The following PTPN2 variants were observed in gnomAD, a reference collection of about 807,000 sequenced individuals.
The protein encoded by PTPN2 is protein tyrosine phosphatase non-receptor type 2.
A neutral mutation model predicts 57.3 loss-of-function variants in PTPN2; 19 were observed. The ratio of observed to expected loss-of-function variants is 0.33; its 90% CI spans 0.23 to 0.49. The LOEUF (loss-of-function observed/expected upper bound fraction) is 0.49. Among genes scored for constraint, PTPN2 ranks in the 20% least tolerant of loss-of-function variants. The pLI is 0.99. For synonymous variants in PTPN2, 153 were observed against 164.9 expected (o/e 0.93, Z 0.55); for missense variants, 358 against 501.1 (o/e 0.71, Z 2.73).
Position 12,808,756 on chromosome 18 carries a change from G to A in PTPN2, c.858+5447C>T, listed in dbSNP as rs1048231147. 1.3e-4 allele frequency among the ~76,000 whole-genome samples: 20 copies of A among 152,344 alleles called. No individual in the cohort carries two copies. In the East Asian group the frequency reaches 2.1e-3, roughly 16 times the overall value. On this transcript the variant is annotated intron_variant, in intron 7 of 8. Coordinates refer to ENST00000309660, the MANE Select transcript of PTPN2 (RefSeq NM_002828.4). Reference sequence around the variant, plus strand: ...AGATCACACCACTGCACTCCTGGGCGACAGAGCGAGACTCCGTCTCAAAAG... The same window carrying A: ...AGATCACACCACTGCACTCCTGGGCAACAGAGCGAGACTCCGTCTCAAAAG...
downstream of PTPN2, among the ~76,000 whole-genome samples, chr18:12,789,762 C>T (rs2040932536): frequency 6.6e-6 from 1 of 152,192 alleles, no homozygotes. Context: ...TGCCTAATGA[C>T]ATTTGGCTTA....
chr18:12,836,814 G>T lies in PTPN2; in HGVS notation c.238C>A (p.Gln80Lys). 6.2e-7 allele frequency: 1 copy of T among 1,607,330 alleles called. No individual in the cohort carries two copies. Among genetic ancestry groups the T allele is most frequent in the Non-Finnish European group, 8.5e-7 (1 of 1,175,974 alleles). The change falls in exon 3 of 9, where the codon CAA (glutamine) becomes AAA (lysine). Residue 80 changes from glutamine to lysine, a missense_variant. Gln to Lys is a moderately conservative substitution (Grantham distance 53, BLOSUM62 1). Around this residue, in one of 4 missense-constraint regions of PTPN2, gnomAD observed 193 missense variants for 315.4 expected, o/e 0.61. Transcript: ENST00000309660. ...NASLVDIEEAQRSYILTQGPL... is the reference protein window; with the variant it reads ...NASLVDIEEAKRSYILTQGPL... ...GCCTGTGTTAAGATGTAACTCCTTT[G>T]TGCCTCTTCTATGTCAACTAAACTG... is the stretch of plus-strand genomic sequence containing the variant.
rs187482014 is a variant in PTPN2 at position 12,840,959 on chromosome 18, A to C, written c.161-4068T>G. ...ATGAACTGGTCTGTTCCCTGCATTGAATACTTTCAGCAATCATACACAATT... is the reference window on the plus strand; with the variant it reads ...ATGAACTGGTCTGTTCCCTGCATTGCATACTTTCAGCAATCATACACAATT... On this transcript the variant is annotated intron_variant, in intron 2 of 8. Coordinates refer to ENST00000309660, the MANE Select transcript of PTPN2 (RefSeq NM_002828.4). The C allele has an allele frequency of 1.1e-3, 1,555 of 1,463,848 alleles. 37 individuals carry two copies. In the Admixed American group the frequency reaches 0.035, roughly 33 times the overall value. 90.7% of individuals were successfully genotyped at this position (1,463,848 alleles called of 1,614,324 possible).
At chr18:12,865,295 C>T (rs990859704) in intron 1 of PTPN2, among the ~76,000 whole-genome samples, 4 of 151,874 alleles carry the variant, frequency 2.6e-5, no homozygotes, top group East Asian at 1.9e-4. Flanking sequence ...ATTAGCAAGG[C>T]ATGGTGGTAC....
In PTPN2 at chr18:12,817,108, A is replaced by T. The variant is rs374317288; in HGVS notation, c.705+48T>A. On this transcript the variant is annotated intron_variant, in intron 6 of 8. Transcript: ENST00000309660. Reference sequence around the variant, plus strand: ...TATTCACTGCCAGTGGAAGCAATTTAAAAAAAAAAATCAATGAGATTAAAA... The same window carrying T: ...TATTCACTGCCAGTGGAAGCAATTTTAAAAAAAAAATCAATGAGATTAAAA... 4.3e-3 allele frequency: 4,292 copies of T among 996,822 alleles called. 28 individuals carry two copies. Among genetic ancestry groups the T allele is most frequent in the South Asian group, 0.02 (1,103 of 53,812 alleles). The allele number at this position is 996,822 out of a possible 1,614,324, so 61.7% of individuals were successfully genotyped here. A position where few individuals can be genotyped will look rare whatever the true frequency, so the allele number is the denominator to read the frequency against.
intron 1 of PTPN2, among the ~76,000 whole-genome samples, chr18:12,883,246 G>A (rs1257105381): frequency 6.6e-6 from 1 of 152,328 alleles, no homozygotes; most frequent in Non-Finnish European, 1.5e-5. Flanking sequence ...TCACTGTAGG[G>A]AAAGTATACC....
Position 12,807,586 on chromosome 18 carries a change from A to AAAAATAT in PTPN2, c.859-5436_859-5435insATATTTT. 7.9e-3 allele frequency among the ~76,000 whole-genome samples: 276 copies of AAAAATAT among 35,110 alleles called. 3 individuals carry two copies. Among genetic ancestry groups the AAAAATAT allele is most frequent in the South Asian group, 0.01 (4 of 394 alleles). 23.0% of individuals were successfully genotyped at this position (35,110 alleles called of 152,430 possible). A position where few individuals can be genotyped will look rare whatever the true frequency, so the allele number is the denominator to read the frequency against. Reference sequence around the variant, plus strand: ...AAATGTGGAAAAAAAAAAAAAAAAAAATATATATATATATATATAATATAA... The same window carrying AAAAATAT: ...AAATGTGGAAAAAAAAAAAAAAAAAAAAAATATATATATATATATATATATAATATAA... On this transcript the variant is annotated intron_variant, in intron 7 of 8. Transcript: ENST00000309660.
rs1269177701 is a variant in PTPN2 at position 12,836,776 on chromosome 18, T to C, written c.261+15A>G. The C allele has an allele frequency of 6.8e-7, 1 of 1,474,964 alleles. No individual in the cohort carries two copies. The highest frequency in any genetic ancestry group is 9.5e-7 in the Non-Finnish European group (1 of 1,057,396). 91.4% of individuals were successfully genotyped at this position (1,474,964 alleles called of 1,614,324 possible). ...ACATCATTTTCAGACATTTGCGTGG[T>C]ATCGTATTACTTGCCTGTGTTAAGA... On this transcript the variant is annotated intron_variant, in intron 3 of 8. Transcript: ENST00000309660.
intron 1 of PTPN2, chr18:12,880,432 C>CA: frequency 1.3e-5 from 2 of 152,374 alleles, no homozygotes; most frequent in East Asian, 3.9e-4. Flanking sequence ...TACCTCTCCC[C>CA]ACTTCTTCAA....
intron 1 of PTPN2, among the ~76,000 whole-genome samples, chr18:12,870,117 T>A (rs976072725): frequency 1.3e-5 from 2 of 150,812 alleles, no homozygotes; most frequent in African/African-American, 4.9e-5. Flanking sequence ...CACTGAACCC[T>A]ACTGTGTGTC....
intron 7 of PTPN2, among the ~76,000 whole-genome samples, chr18:12,809,003 T>G (rs955993334): frequency 6.6e-6 from 1 of 152,168 alleles, no homozygotes; most frequent in African/African-American, 2.4e-5. Flanking sequence ...AGGGGAGAAC[T>G]AACGGTGAGA....
intron 3 of PTPN2, among the ~76,000 whole-genome samples, chr18:12,834,733 A>AG (rs1156522614): frequency 6.6e-6 from 1 of 152,040 alleles, no homozygotes; most frequent in Non-Finnish European, 1.5e-5. Context: ...GAAAAAAAAA[A>AG]GCTAATTTAG....
intron 3 of PTPN2, among the ~76,000 whole-genome samples, chr18:12,834,995 A>G (rs1230423804): frequency 2.0e-5 from 3 of 152,096 alleles, no homozygotes; most frequent in African/African-American, 7.3e-5. Context: ...GCCCTGTAGA[A>G]CCTGCAGATA....
At chr18:12,883,514 G>C (rs1041606408) in intron 1 of PTPN2, 2 of 152,092 alleles carry the variant, frequency 1.3e-5, no homozygotes, top group African/African-American at 2.4e-5. Flanking sequence ...CGCCCAGAGC[G>C]GCCTGCTCCC....
intron 3 of PTPN2, among the ~76,000 whole-genome samples, chr18:12,835,730 G>T (rs944688131): frequency 2.0e-5 from 3 of 151,982 alleles, no homozygotes; most frequent in Non-Finnish European, 2.9e-5. Flanking sequence ...TTTCTTGGTC[G>T]GTCAGAGTAT....
intron 5 of PTPN2, among the ~76,000 whole-genome samples, chr18:12,818,682 G>A (rs1159821875): frequency 1.3e-5 from 2 of 151,160 alleles, no homozygotes; most frequent in African/African-American, 2.4e-5. Context: ...GAGGGAGGAG[G>A]CATAGAAACA....
At position 12,870,351 on chromosome 18, in the gene PTPN2, GTGTATATATATGTGTATATATACA is replaced by G. The variant is rs2044174159; in HGVS notation, c.70-11121_70-11098del. ...TATATGTATATATATACATATATAT[GTGTATATATATGTGTATATATACA>G]TATATATACGTATATATGTATATAT... On this transcript the variant is annotated intron_variant, in intron 1 of 8. Transcript: ENST00000309660. Among the ~76,000 whole-genome samples the G allele has an allele frequency of 1.0e-4, 3 of 28,694 alleles. No individual in the cohort carries two copies. In the South Asian group the frequency reaches 4.8e-3, roughly 46 times the overall value. 18.8% of individuals were successfully genotyped at this position (28,694 alleles called of 152,430 possible). A position where few individuals can be genotyped will look rare whatever the true frequency, so the allele number is the denominator to read the frequency against.
chr18:12,816,027 A>G (rs2042063547), intron 6 of PTPN2, among the ~76,000 whole-genome samples: 1 of 152,172 alleles, frequency 6.6e-6, no homozygotes, highest in African/African-American at 2.4e-5. Flanking sequence ...TCTTGTGTCA[A>G]GCGTGGTGGC....
At chr18:12,814,889 G>A (rs1172722630) in intron 6 of PTPN2, among the ~76,000 whole-genome samples, 1 of 151,876 alleles carries the variant, frequency 6.6e-6, no homozygotes, top group Non-Finnish European at 1.5e-5. Context: ...CTAGAGACCA[G>A]CCTGGCCAAC....
Sources: allele counts gnomAD v4.1 joint callset (sites outside exome capture counted in the v4.1 genomes callset), GRCh38; gene constraint gnomAD v4.1.1; regional missense constraint gnomAD v4.1.1; transcripts MANE v1.5; gene names NCBI Gene and HGNC (gene_info 2026-07-23, HGNC 2026-07-21).